Variants in RBPJ observed in about 807,000 individuals in gnomAD.
RBPJ encodes the protein recombination signal binding protein for immunoglobulin kappa J region, also known as recombining binding protein suppressor of hairless.
Under a neutral mutation model 67.8 loss-of-function variants are expected in RBPJ, and 9 were observed. The ratio of observed to expected loss-of-function variants is 0.13; its 90% confidence interval spans 0.08 to 0.23. The LOEUF (loss-of-function observed/expected upper bound fraction) is 0.23. Ranked by LOEUF, RBPJ falls within the 10% of genes least tolerant of loss-of-function variation. The probability of loss-of-function intolerance (pLI) is 1.00; values close to 1 mark genes in which losing one functional copy is unlikely to be tolerated. For missense variants in RBPJ, 305 were observed against 595.6 expected, an observed-to-expected ratio of 0.51 and a Z score of 5.08; for synonymous variants, 198 against 203.3, an observed-to-expected ratio of 0.97 and a Z score of 0.22.
intron 1 of RBPJ, among the ~76,000 whole-genome samples, chr4:26,177,656 G>A (rs1164195484): frequency 1.3e-5 from 2 of 151,784 alleles, no homozygotes; most frequent in African/African-American, 4.8e-5. Flanking sequence ...AAGAAAGAAA[G>A]AAAGAGAAAA....
intron 1 of RBPJ, among the ~76,000 whole-genome samples, chr4:26,312,905 C>T (rs1231794233): frequency 1.3e-5 from 2 of 152,152 alleles, no homozygotes; most frequent in Non-Finnish European, 2.9e-5. Flanking sequence ...GATGATAGGT[C>T]ACATACGTAA....
chr4:26,351,762 A>G (rs2109446566), intron 1 of RBPJ, among the ~76,000 whole-genome samples: 1 of 152,316 alleles, frequency 6.6e-6, no homozygotes, highest in Non-Finnish European at 1.5e-5. Context: ...TGTTTTCTCT[A>G]CAACTATGTA....
upstream of RBPJ, among the ~76,000 whole-genome samples, chr4:26,319,321 G>C (rs1171448946): frequency 1.3e-5 from 2 of 152,150 alleles, no homozygotes; most frequent in Non-Finnish European, 2.9e-5. Flanking sequence ...TCCTCCGTTC[G>C]AGGCTCCCCA....
chr4:26,214,723 GAA>G (rs1425009201), intron 1 of RBPJ, among the ~76,000 whole-genome samples: 1 of 125,694 alleles, frequency 8.0e-6, no homozygotes, highest in Non-Finnish European at 1.6e-5. Flanking sequence ...GAGAGAGAGA[GAA>G]AGAAAGAGGG....
At chr4:26,403,601 A>C (rs1245901879) in intron 2 of RBPJ, among the ~76,000 whole-genome samples, 2 of 152,036 alleles carry the variant, frequency 1.3e-5, no homozygotes, top group Non-Finnish European at 2.9e-5. Context: ...AGTTCTCATC[A>C]TTTAGTTCCC....
In RBPJ at chr4:26,424,320, A is replaced by AAG. The variant is rs1283323889; in HGVS notation, c.497-19_497-18dup. On this transcript the variant is annotated intron_variant, in intron 5 of 10. Transcript: ENST00000355476. The surrounding 1 kb of genome is among the most constrained non-coding windows in gnomAD (Gnocchi z 5.3). ...CACCTTCTGCTCCAATCACATAAATAAGAGCTGTTTTTTCTTTGCAGTATG... is the reference window on the plus strand; with the variant it reads ...CACCTTCTGCTCCAATCACATAAATAAGAGAGCTGTTTTTTCTTTGCAGTATG... 3 of 1,611,308 alleles carry AAG rather than the reference A, an allele frequency of 1.9e-6. No homozygotes were observed. The highest frequency in any genetic ancestry group is 2.5e-6 in the Non-Finnish European group (3 of 1,178,730).
At chr4:26,304,588 T>A (rs1022748482) in intron 1 of RBPJ, among the ~76,000 whole-genome samples, 1 of 152,238 alleles carries the variant, frequency 6.6e-6, no homozygotes, top group Non-Finnish European at 1.5e-5. Context: ...TTTTCCATGA[T>A]GGCTAATGAT....
rs74815971 is a variant in RBPJ, at chr4:26,377,447, C to T, written c.21-8906C>T. ...CTCCCAAAGATTTATCTTACTTTTT[C>T]CAGTGGCCAAACTAGAAGGCAGACA... On this transcript the variant is annotated intron_variant, in intron 1 of 10. Transcript: ENST00000355476. 2.8e-3 allele frequency among the ~76,000 whole-genome samples: 433 copies of T among 152,280 alleles called. 2 individuals carry two copies. Among genetic ancestry groups the T allele is most frequent in the African/African-American group, 1.0e-2 (415 of 41,570 alleles).
rs375373766 is a variant in RBPJ, at chr4:26,424,266, A to G, written c.497-76A>G. On this transcript the variant is annotated intron_variant, in intron 5 of 10. Transcript: ENST00000355476. The surrounding 1 kb of genome is among the most constrained non-coding windows in gnomAD (Gnocchi z 5.3). ...AAGAAAGAATAATTATACACTGCCA[A>G]GCAGAATTTCCTTCTTTTGCTCCCT... is the stretch of plus-strand genomic sequence containing the variant. 6 of 1,384,214 alleles carry G rather than the reference A, an allele frequency of 4.3e-6. No homozygotes were observed. The East Asian group carries it at 1.1e-4, about 26-fold the overall frequency. 85.7% of individuals were successfully genotyped at this position (1,384,214 alleles called of 1,614,324 possible). A position where few individuals can be genotyped will look rare whatever the true frequency, so the allele number is the denominator to read the frequency against.
chr4:26,160,666 A>AT (rs1275947689), upstream of RBPJ, among the ~76,000 whole-genome samples: 1 of 152,192 alleles, frequency 6.6e-6, no homozygotes, highest in Non-Finnish European at 1.5e-5. Flanking sequence ...TGGAGAAGCT[A>AT]TCAACTAGAA....
chr4:26,214,690 GAGGAAGGATGGA>G (rs1338760297), intron 1 of RBPJ, among the ~76,000 whole-genome samples: 1 of 95,964 alleles, frequency 1.0e-5, no homozygotes, highest in African/African-American at 6.2e-5. Flanking sequence ...AGGAGAGAGG[GAGGAAGGATGGA>G]AGGAAGGAAG....
chr4:26,388,474 G>A (rs990603568), intron 2 of RBPJ, among the ~76,000 whole-genome samples: 1 of 152,208 alleles, frequency 6.6e-6, no homozygotes, highest in Admixed American at 6.5e-5. Flanking sequence ...TAAACAATTA[G>A]AGTGTCTGTA....
chr4:26,349,087 T>TCC (rs1553867469), intron 1 of RBPJ, among the ~76,000 whole-genome samples: 1 of 67,652 alleles, frequency 1.5e-5, no homozygotes, highest in East Asian at 4.7e-4. Flanking sequence ...TGTGTGTGTG[T>TCC]GCGCGCGCGC....
chr4:26,195,832 G>T (rs189226404), intron 1 of RBPJ, among the ~76,000 whole-genome samples: 188 of 152,316 alleles, frequency 1.2e-3, no homozygotes, highest in African/African-American at 4.3e-3. Context: ...CTGACCTTGT[G>T]ATCTGCCTGC....
At chr4:26,271,410 T>A (rs1371981411) in intron 1 of RBPJ, among the ~76,000 whole-genome samples, 1 of 152,038 alleles carries the variant, frequency 6.6e-6, no homozygotes, top group African/African-American at 2.4e-5. Flanking sequence ...AGGGGAGATG[T>A]AGGTAACTCA....
intron 2 of RBPJ, among the ~76,000 whole-genome samples, chr4:26,404,650 A>T (rs1052633833): frequency 6.6e-6 from 1 of 152,220 alleles, no homozygotes; most frequent in African/African-American, 2.4e-5. Flanking sequence ...TGAGGATTAA[A>T]TAAAATAATG....
upstream of RBPJ, chr4:26,320,689 G>C (rs1722922002): frequency 6.6e-7 from 1 of 1,511,566 alleles, no homozygotes. Flanking sequence ...ATCCCCTCCG[G>C]TTTTCCTCAG....
the RBPJ span, among the ~76,000 whole-genome samples, chr4:26,145,614 T>G: frequency 6.6e-6 from 1 of 152,214 alleles, no homozygotes; most frequent in Non-Finnish European, 1.5e-5. Flanking sequence ...GACTGGGGAC[T>G]TCTAAAATGC....
At chr4:26,257,115 A>G (rs1441418677) in intron 1 of RBPJ, among the ~76,000 whole-genome samples, 1 of 152,214 alleles carries the variant, frequency 6.6e-6, no homozygotes, top group Non-Finnish European at 1.5e-5. Context: ...TTTGTTGAGT[A>G]TATGTATCAG....
Sources: gnomAD v4.1 joint callset for allele counts (sites outside exome capture counted in the v4.1 genomes callset) on GRCh38, gnomAD v4.1.1 for gene constraint, Gnocchi (gnomAD v3.1) non-coding constraint, MANE v1.5 for transcripts, NCBI Gene and HGNC (gene_info 2026-07-23, HGNC 2026-07-21) for gene names.